The following ABCA12 variants were observed in gnomAD, a reference collection of about 807,000 sequenced individuals.
ABCA12 encodes the protein glucosylceramide transporter ABCA12.
A neutral mutation model predicts 293.5 loss-of-function variants in ABCA12; 156 were observed. That is an observed-to-expected ratio of 0.53 (90% CI 0.47 to 0.61). ABCA12 has a LOEUF of 0.61. Ranked by LOEUF, ABCA12 falls within the 20% of genes least tolerant of loss-of-function variation. ABCA12 has a pLI of 0.00. For synonymous variants in ABCA12, 1,063 were observed against 1,108.0 expected (o/e 0.96, Z 0.81); for missense variants, 2,797 against 3,090.2 (o/e 0.91, Z 2.25).
intron 2 of ABCA12, among the ~76,000 whole-genome samples, chr2:215,091,719 T>C (rs991441473): frequency 2.0e-5 from 3 of 152,242 alleles, no homozygotes; most frequent in African/African-American, 7.2e-5. Context: ...GAGGCAGCCA[T>C]GTAGCAACGT....
At chr2:215,001,300 C>T (rs1295541063) in intron 21 of ABCA12, among the ~76,000 whole-genome samples, 1 of 152,136 alleles carries the variant, frequency 6.6e-6, no homozygotes, top group Non-Finnish European at 1.5e-5. Flanking sequence ...TAAATAATGA[C>T]TGATTATGAG....
chr2:214,947,646 G>C (rs1276330975), intron 47 of ABCA12, 90 bp from the exon 48 acceptor site: 3 of 1,428,498 alleles, frequency 2.1e-6, no homozygotes, highest in East Asian at 4.7e-5. Context: ...CTCATGAAAA[G>C]AAAATGTTAT....
intron 2 of ABCA12, among the ~76,000 whole-genome samples, chr2:215,086,919 T>TTCATTATTA (rs1425030663): frequency 1.1e-3 from 159 of 151,096 alleles, no homozygotes; most frequent in African/African-American, 3.7e-3. Context: ...TAACTACCAG[T>TTCATTATTA]TTATTATTAT....
At chr2:214,989,940 G>A (rs1699878218) in intron 24 of ABCA12, among the ~76,000 whole-genome samples, 1 of 152,090 alleles carries the variant, frequency 6.6e-6, no homozygotes, top group Non-Finnish European at 1.5e-5. Flanking sequence ...TCAGTATTAA[G>A]ACTAAAATTT....
At chr2:214,932,839 T>C in intron 52 of ABCA12, 98 bp from the exon 53 acceptor site, 1 of 855,966 alleles carries the variant, frequency 1.2e-6, no homozygotes. Flanking sequence ...TCTCTCCTAG[T>C]GCAAGCGTGT....
chr2:215,134,428 A>G (rs1273504393), intron 1 of ABCA12, among the ~76,000 whole-genome samples: 5 of 139,088 alleles, frequency 3.6e-5, no homozygotes, highest in Non-Finnish European at 6.2e-5. Flanking sequence ...ACATATATGT[A>G]TATGTGTATA....
chr2:215,049,785 T>G lies in ABCA12; in HGVS notation c.534A>C (p.Glu178Asp). Reference protein sequence around the residue: ...EKLLKQNSTSEDIRRELCDSY... With the variant: ...EKLLKQNSTSDDIRRELCDSY... ...TGTCACATAGTTCTCTTCGTATATCTTCTGAAGTTGAATTTTGCTTTAACA... is the reference window on the plus strand; with the variant it reads ...TGTCACATAGTTCTCTTCGTATATCGTCTGAAGTTGAATTTTGCTTTAACA... The change falls in exon 6 of 53, where the codon GAA (glutamate) becomes GAC (aspartate). Residue 178 changes from glutamate (E) to aspartate (D), a missense_variant. Glu to Asp is a conservative substitution (Grantham distance 45, BLOSUM62 2). This residue lies in a region of ABCA12 where 656 missense variants were observed against 638.2 expected (regional missense o/e 1.03). Transcript: ENST00000272895. 1.2e-6 allele frequency: 2 copies of G among 1,613,300 alleles called. No homozygotes were observed. The highest frequency in any genetic ancestry group is 1.7e-4 in the Middle Eastern group (1 of 5,920).
At chr2:215,084,922 C>T (rs775408373) in intron 2 of ABCA12, among the ~76,000 whole-genome samples, 29 of 151,546 alleles carry the variant, frequency 1.9e-4, no homozygotes, top group Non-Finnish European at 3.4e-4. Flanking sequence ...GGTGAAACCC[C>T]GTCTCTACTA....
intron 3 of ABCA12, among the ~76,000 whole-genome samples, chr2:215,057,146 A>G: frequency 6.6e-6 from 1 of 152,044 alleles, no homozygotes; most frequent in Admixed American, 6.6e-5. Context: ...GTATGGCAGA[A>G]AGTACTTTAT....
Position 215,026,913 on chromosome 2 carries a change from C to A in ABCA12, c.1087G>T (p.Asp363Tyr). ...TTTGCTGATATATTTAAGAGGGCAT[C>A]TTCAAAGTTTTCCAGAATTAGGAGC... The part of the protein sequence containing the change: ...AQLLILENFE[D>Y]ALLNISANSP... Residue 363 changes from aspartate (D) to tyrosine (Y), a missense_variant, in exon 10 of 53, where the codon GAT (aspartate) becomes TAT (tyrosine). By Grantham distance (160) the Asp-to-Tyr change is radical (BLOSUM62 -3). Coordinates refer to ENST00000272895, the MANE Select transcript of ABCA12 (RefSeq NM_173076.3). 6.2e-7 allele frequency: 1 copy of A among 1,610,014 alleles called. No individual in the cohort carries two copies. The highest frequency in any genetic ancestry group is 8.5e-7 in the Non-Finnish European group (1 of 1,176,344).
At chr2:215,015,804 C>T in intron 14 of ABCA12, 141 bp from the exon 15 acceptor site, 1 of 735,890 alleles carries the variant, frequency 1.4e-6, no homozygotes. Flanking sequence ...ATCTAAAGCA[C>T]TAATTACTAT....
At chr2:214,982,729 G>A (rs1387929273) in intron 29 of ABCA12, among the ~76,000 whole-genome samples, 1 of 152,140 alleles carries the variant, frequency 6.6e-6, no homozygotes, top group Admixed American at 6.5e-5. Flanking sequence ...ATGTACTTGG[G>A]AAAAGCAGTG....
chr2:215,025,721 AC>A lies in ABCA12; in HGVS notation c.1238del (p.Gly413ValfsTer14), dbSNP rs1700729805. ...IRFKKSFLRNGSYEDYFPPVP... is the reference protein window; with the variant it reads ...IRFKKSFLRNXSYEDYFPPVP... ...CTGGAGGAAAGTAATCTTCATAGGA[AC>A]CATTGCGAAGAAAAGATTTTTTAAA... On this transcript the variant is annotated frameshift_variant, in exon 11 of 53. Coordinates refer to ENST00000272895, the MANE Select transcript of ABCA12 (RefSeq NM_173076.3). LOFTEE classifies it high-confidence loss of function. 6.2e-7 allele frequency: 1 copy of A among 1,612,586 alleles called. No individual in the cohort carries two copies. The highest frequency in any genetic ancestry group is 1.7e-5 in the Admixed American group (1 of 59,918).
intron 2 of ABCA12, among the ~76,000 whole-genome samples, chr2:215,087,488 G>GTGTGTA (rs1702064772): frequency 4.1e-3 from 1 of 246 alleles, no homozygotes; most frequent in South Asian, 0.083. Context: ...TACAGGCTTC[G>GTGTGTA]TGTGTGTGTG....
rs776619888 is a variant in ABCA12, at chr2:214,989,333, G to C, written c.3825C>G (p.Phe1275Leu). 1.2e-5 allele frequency: 19 copies of C among 1,612,622 alleles called. No homozygotes were observed. Among genetic ancestry groups the C allele is most frequent in the Non-Finnish European group, 1.5e-5 (18 of 1,179,692 alleles). The change falls in exon 26 of 53, where the codon TTC becomes TTG. Residue 1275 changes from phenylalanine (F) to leucine (L), a missense_variant. Around this residue, in one of 3 missense-constraint regions of ABCA12, gnomAD observed 2,130 missense variants for 2,427.0 expected, o/e 0.88. Coordinates refer to ENST00000272895, the MANE Select transcript of ABCA12 (RefSeq NM_173076.3). Reference protein sequence around the residue: ...FLIAWYVRNVFPGTYGMAAPW... With the variant: ...FLIAWYVRNVLPGTYGMAAPW... ...CTGTAGGAAGCACATTCATACCTGG[G>C]AAGACATTCCTGACATACCAAGCAA...
intron 8 of ABCA12, chr2:215,032,282 G>T: frequency 6.7e-6 from 1 of 150,130 alleles, no homozygotes; most frequent in Non-Finnish European, 1.0e-5. Context: ...ATGGGTCACT[G>T]GATTTTTTTT....
chr2:215,036,381 T>A (rs1177161632), intron 8 of ABCA12, among the ~76,000 whole-genome samples: 1 of 152,210 alleles, frequency 6.6e-6, no homozygotes, highest in East Asian at 1.9e-4. Flanking sequence ...AATTCTAAAT[T>A]TATTCACCAG....
chr2:215,040,737 A>T (rs1252589977), intron 7 of ABCA12, among the ~76,000 whole-genome samples: 3 of 152,100 alleles, frequency 2.0e-5, no homozygotes, highest in African/African-American at 7.2e-5. Flanking sequence ...GCTTGAATCC[A>T]AGAGGTGGAG....
chr2:215,008,676 T>C (rs547653497), intron 18 of ABCA12, among the ~76,000 whole-genome samples: 1 of 151,880 alleles, frequency 6.6e-6, no homozygotes, highest in African/African-American at 2.4e-5. Context: ...ATTGGAGTAA[T>C]AGAATAAATT....
Sources: allele counts gnomAD v4.1 joint callset (sites outside exome capture counted in the v4.1 genomes callset), GRCh38; gene constraint gnomAD v4.1.1; regional missense constraint gnomAD v4.1.1; transcripts MANE v1.5; gene names NCBI Gene and HGNC (gene_info 2026-07-23, HGNC 2026-07-21).